Variants in UBR2 observed in about 807,000 individuals in gnomAD.
UBR2 encodes the protein ubiquitin protein ligase E3 component n-recognin 2.
Under a neutral mutation model 247.9 loss-of-function variants are expected in UBR2, and 92 were observed. The observed-to-expected ratio is 0.37, with a 90% confidence interval of 0.31 to 0.44. UBR2 has a LOEUF of 0.44. Ranked by LOEUF, UBR2 falls within the 20% of genes least tolerant of loss-of-function variation. The probability of loss-of-function intolerance (pLI) is 1.00; values close to 1 mark genes in which losing one functional copy is unlikely to be tolerated. For synonymous variants in UBR2, 672 were observed against 693.5 expected (o/e 0.97, Z 0.49); for missense variants, 1,613 against 2,112.6 (o/e 0.76, Z 4.64).
intron 16 of UBR2, among the ~76,000 whole-genome samples, chr6:42,640,706 C>CT (rs1796390930): frequency 6.6e-6 from 1 of 151,978 alleles, no homozygotes; most frequent in Non-Finnish European, 1.5e-5. Flanking sequence ...GGGTAATCTG[C>CT]TTTACTCAGA....
At chr6:42,569,033 T>G (rs1195908551) in intron 1 of UBR2, among the ~76,000 whole-genome samples, 1 of 152,244 alleles carries the variant, frequency 6.6e-6, no homozygotes, top group Non-Finnish European at 1.5e-5. Context: ...GACATTCCTT[T>G]GTATAGATAA....
At chr6:42,654,688 C>T (rs1053458943) in intron 25 of UBR2, among the ~76,000 whole-genome samples, 1 of 152,190 alleles carries the variant, frequency 6.6e-6, no homozygotes, top group South Asian at 2.1e-4. Flanking sequence ...TGCCACTGCA[C>T]TCTAGCCTGG....
intron 21 of UBR2, among the ~76,000 whole-genome samples, chr6:42,647,198 G>A (rs1052770053): frequency 6.6e-6 from 1 of 152,112 alleles, no homozygotes; most frequent in African/African-American, 2.4e-5. Context: ...AATGCAGGAA[G>A]TGAATCCCAA....
chr6:42,587,481 C>T (rs1403546319), intron 2 of UBR2, among the ~76,000 whole-genome samples: 1 of 152,114 alleles, frequency 6.6e-6, no homozygotes, highest in Non-Finnish European at 1.5e-5. Flanking sequence ...CCTCAGCCTC[C>T]CAAGTAGCTG....
chr6:42,668,334 G>A (rs1470214482), intron 34 of UBR2, among the ~76,000 whole-genome samples: 1 of 152,224 alleles, frequency 6.6e-6, no homozygotes, highest in African/African-American at 2.4e-5. Context: ...TAGTTTGGGT[G>A]TAGAATTCTA....
At position 42,659,560 on chromosome 6, in the gene UBR2, C is replaced by T; in HGVS notation, c.3243-96C>T. The T allele has an allele frequency of 1.1e-5, 8 of 709,428 alleles. No homozygotes were observed. The highest frequency in any genetic ancestry group is 2.0e-5 in the African/African-American group (1 of 50,778). The allele number at this position is 709,428 out of a possible 1,614,324, so 43.9% of individuals were successfully genotyped here. On this transcript the variant is annotated intron_variant, in intron 29 of 46. Coordinates refer to ENST00000372901, the MANE Select transcript of UBR2 (RefSeq NM_001363705.2). The surrounding 1 kb of genome is among the most constrained non-coding windows in gnomAD (Gnocchi z 4.3). ...ACACACACACACACACACACACACA[C>T]ACTACACACACACACACATACCTGT...
chr6:42,660,336 C>T (rs193279522), intron 30 of UBR2, among the ~76,000 whole-genome samples: 4 of 152,208 alleles, frequency 2.6e-5, no homozygotes, highest in Admixed American at 6.5e-5. Flanking sequence ...TCTTGGGATA[C>T]AGATTACCGT....
intron 13 of UBR2, 39 bp downstream of exon 13, chr6:42,632,943 T>C: frequency 1.6e-6 from 2 of 1,282,954 alleles, no homozygotes; most frequent in Non-Finnish European, 1.0e-6. Context: ...TTCCTTTTTT[T>C]TTTTTCTCTT....
At chr6:42,614,330 ATATGTG>A (rs1554250286) in intron 8 of UBR2, among the ~76,000 whole-genome samples, 1 of 139,704 alleles carries the variant, frequency 7.2e-6, no homozygotes, top group African/African-American at 2.7e-5. Context: ...ATATATGTGT[ATATGTG>A]TATGTGTGTA....
At chr6:42,632,959 T>A in intron 13 of UBR2, 55 bp downstream of exon 13, 10 of 445,124 alleles carry the variant, frequency 2.2e-5, no homozygotes, top group Non-Finnish European at 3.1e-5. Flanking sequence ...CTCTTTTCTC[T>A]TTTTTTTTTT....
intron 29 of UBR2, 51 bp downstream of exon 29, chr6:42,658,875 A>T: frequency 6.7e-7 from 1 of 1,486,846 alleles, no homozygotes; most frequent in Non-Finnish European, 8.9e-7. Context: ...TTTCCCAACT[A>T]GGGGCAGTGT....
Position 42,564,188 on chromosome 6 carries a change from C to A in UBR2, c.-132C>A. 1.0e-6 allele frequency: 1 copy of A among 987,798 alleles called. No homozygotes were observed. The highest frequency in any genetic ancestry group is 1.7e-5 in the African/African-American group (1 of 59,310). 61.2% of individuals were successfully genotyped at this position (987,798 alleles called of 1,614,324 possible). On this transcript the variant is annotated 5_prime_UTR_variant, in exon 1 of 47. Coordinates refer to ENST00000372901, the MANE Select transcript of UBR2 (RefSeq NM_001363705.2). ...ACGTCACCCTTCTCTCCCTCTGTTG[C>A]TCCACCTGCAGCCACTTGGACGGCT...
At chr6:42,634,502 G>A (rs1017526586) in intron 13 of UBR2, among the ~76,000 whole-genome samples, 48 of 152,054 alleles carry the variant, frequency 3.2e-4, no homozygotes, top group African/African-American at 8.9e-4. Context: ...TCGCCCAGGC[G>A]GGAGTGCAGT....
At chr6:42,616,143 A>C in intron 10 of UBR2, 53 bp downstream of exon 10, 1 of 1,263,614 alleles carries the variant, frequency 7.9e-7, no homozygotes, top group Non-Finnish European at 1.1e-6. Context: ...AACTATGCCC[A>C]TAATTATATC....
intron 11 of UBR2, among the ~76,000 whole-genome samples, chr6:42,618,958 A>G (rs2151941649): frequency 6.6e-6 from 1 of 152,288 alleles, no homozygotes; most frequent in Middle Eastern, 3.4e-3. Flanking sequence ...TAGCATTTGT[A>G]AAGAGGGAAA....
Position 42,689,684 on chromosome 6 carries a change from C to G in UBR2, c.5126+14C>G, listed in dbSNP as rs1799641590. The G allele has an allele frequency of 6.2e-7, 1 of 1,610,954 alleles. No individual in the cohort carries two copies. The highest frequency in any genetic ancestry group is 1.3e-5 in the African/African-American group (1 of 74,850). ...CCAGGGACTCAGGTAAGAACCCATCCTGAGTTAGCTAACTCAGGGCCTGCA... is the reference window on the plus strand; with the variant it reads ...CCAGGGACTCAGGTAAGAACCCATCGTGAGTTAGCTAACTCAGGGCCTGCA... On this transcript the variant is annotated intron_variant, in intron 46 of 46. Coordinates refer to ENST00000372901, the MANE Select transcript of UBR2 (RefSeq NM_001363705.2). This position sits in a 1 kb window ranked among gnomAD's most constrained non-coding sequence, Gnocchi z 4.0.
Position 42,603,706 on chromosome 6 carries a change from A to C in UBR2, c.650A>C (p.Asp217Ala). The change falls in exon 5 of 47, where the codon GAT becomes GCT. Residue 217 changes from aspartate (D) to alanine (A), a missense_variant. By Grantham distance (126) the Asp-to-Ala change is moderately radical. Coordinates refer to ENST00000372901, the MANE Select transcript of UBR2 (RefSeq NM_001363705.2). ...TWEKESELPA[D>A]LEMVEKSDTY... is the part of the protein sequence containing the mutation. ...GAAAAAGAAAGTGAATTGCCAGCAG[A>C]TTTAGAGATGGTGTAAGTATAACCT... The C allele has an allele frequency of 6.3e-7, 1 of 1,597,348 alleles. No individual in the cohort carries two copies. Among genetic ancestry groups the C allele is most frequent in the African/African-American group, 1.4e-5 (1 of 73,974 alleles).
chr6:42,686,856 C>G (rs1169071259), intron 44 of UBR2, among the ~76,000 whole-genome samples: 3 of 151,316 alleles, frequency 2.0e-5, no homozygotes, highest in African/African-American at 4.9e-5. Flanking sequence ...ACGGGGCAGC[C>G]GGTCGGAGAC....
intron 4 of UBR2, among the ~76,000 whole-genome samples, chr6:42,597,126 A>T (rs959017881): frequency 1.3e-5 from 2 of 152,266 alleles, no homozygotes; most frequent in Non-Finnish European, 2.9e-5. Context: ...ATCCTCATAC[A>T]TTAGTGGGAT....
Sources: allele counts gnomAD v4.1 joint callset (sites outside exome capture counted in the v4.1 genomes callset), GRCh38; gene constraint gnomAD v4.1.1; non-coding constraint Gnocchi (gnomAD v3.1); transcripts MANE v1.5; gene names NCBI Gene and HGNC (gene_info 2026-07-23, HGNC 2026-07-21).